Variants in COL27A1 observed in about 807,000 individuals in gnomAD.
The protein encoded by COL27A1 is collagen alpha-1(XXVII) chain.
Under a neutral mutation model 251.3 loss-of-function variants are expected in COL27A1, and 106 were observed. That is an observed-to-expected ratio of 0.42 (90% CI 0.36 to 0.50). The LOEUF (loss-of-function observed/expected upper bound fraction) is 0.50, where lower values mean the gene tolerates loss of function less well. Among genes scored for constraint, COL27A1 ranks in the 20% least tolerant of loss-of-function variants. The probability of loss-of-function intolerance (pLI) is 0.00; values close to 1 mark genes in which losing one functional copy is unlikely to be tolerated. For missense variants in COL27A1, 2,325 were observed against 2,522.8 expected, an observed-to-expected ratio of 0.92 and a Z score of 1.68; for synonymous variants, 1,000 against 986.3, an observed-to-expected ratio of 1.01 and a Z score of -0.26.
intron 37 of COL27A1, 136 bp from the exon 38 acceptor site, chr9:114,282,141 T>C (rs1488724161): frequency 1.8e-5 from 13 of 714,964 alleles, no homozygotes; most frequent in Non-Finnish European, 3.0e-5. Context: ...CAAGGTCATG[T>C]GGGTACTGGG....
intron 4 of COL27A1, 138 bp downstream of exon 4, chr9:114,178,482 A>G (rs1827644922): frequency 1.3e-6 from 1 of 783,708 alleles, no homozygotes; most frequent in Admixed American, 2.0e-5. Context: ...GGCTTTATCC[A>G]TTTGGAGTGG....
chr9:114,241,123 G>A lies in COL27A1; in HGVS notation c.2835+636G>A, dbSNP rs2135478476. Among the ~76,000 whole-genome samples the A allele has an allele frequency of 2.6e-5, 4 of 152,382 alleles. No individual in the cohort carries two copies. In the Middle Eastern group the frequency reaches 0.01, roughly 389 times the overall value. ...TATGTGCGCTGGATGAAGTGGGTTG[G>A]GAGGGGTCTCTATGGGGCTGTTGGA... On this transcript the variant is annotated intron_variant, in intron 21 of 60. Coordinates refer to ENST00000356083, the MANE Select transcript of COL27A1 (RefSeq NM_032888.4).
chr9:114,184,737 C>T (rs920001221), intron 5 of COL27A1, among the ~76,000 whole-genome samples: 7 of 152,156 alleles, frequency 4.6e-5, no homozygotes, highest in Non-Finnish European at 7.3e-5. Flanking sequence ...GTGGAGATAC[C>T]GTACCCATTT....
At chr9:114,267,239 C>A (rs1049318809) in intron 33 of COL27A1, among the ~76,000 whole-genome samples, 2 of 152,170 alleles carry the variant, frequency 1.3e-5, no homozygotes, top group Non-Finnish European at 2.9e-5. Flanking sequence ...CCAAAGGGCT[C>A]CTAGTGTGGT....
chr9:114,246,211 A>G (rs1455012197), intron 24 of COL27A1: 1 of 318,370 alleles, frequency 3.1e-6, no homozygotes, highest in African/African-American at 2.2e-5. Flanking sequence ...CAGGACATTA[A>G]AACTGGAGGA....
At position 114,235,622 on chromosome 9, in the gene COL27A1, G is replaced by GGAA. The variant is rs1460933248; in HGVS notation, c.2589_2590insGAA (p.Val863_Ser864insGlu). The stretch of plus-strand genomic sequence containing the variant: ...AGGGTGAACAAGGGGTTCCAGGTGT[G>GGAA]TCAGGAGATCCCGGATTCCAAGGAG... On this transcript the variant is annotated inframe_insertion, in exon 17 of 61. Transcript: ENST00000356083. 1.2e-6 allele frequency: 2 copies of GGAA among 1,613,860 alleles called. No homozygotes were observed. Among genetic ancestry groups the GGAA allele is most frequent in the Non-Finnish European group, 1.7e-6 (2 of 1,179,902 alleles).
chr9:114,196,659 G>A (rs1473277480), intron 7 of COL27A1, among the ~76,000 whole-genome samples: 8 of 152,206 alleles, frequency 5.3e-5, no homozygotes, highest in Non-Finnish European at 1.2e-4. Context: ...GAATGATCTG[G>A]AGAGGCAGTG....
In COL27A1 at chr9:114,312,088, G is replaced by A. The variant is rs1429032136; in HGVS notation, c.*1393G>A. On this transcript the variant is annotated 3_prime_UTR_variant, in exon 61 of 61. Coordinates refer to ENST00000356083, the MANE Select transcript of COL27A1 (RefSeq NM_032888.4). ...TACATCAGCGAACAAGTCGGCGCTT[G>A]AATTGGATTTTGAGGTTATTTTAAC... The A allele has an allele frequency of 3.3e-5, 5 of 152,192 alleles. 1 individual carries two copies. Among genetic ancestry groups the A allele is most frequent in the Non-Finnish European group, 7.3e-5 (5 of 68,036 alleles). The allele number at this position is 152,192 out of a possible 1,614,324, so 9.4% of individuals were successfully genotyped here.
intron 22 of COL27A1, 98 bp downstream of exon 22, chr9:114,242,329 TC>T: frequency 9.4e-7 from 1 of 1,064,138 alleles, no homozygotes; most frequent in Non-Finnish European, 1.4e-6. Flanking sequence ...AGGGAAGTCA[TC>T]AGTGAGGGCC....
chr9:114,304,555 G>A (rs1417314067), intron 56 of COL27A1, 53 bp from the exon 57 acceptor site: 3 of 1,555,406 alleles, frequency 1.9e-6, no homozygotes, highest in African/African-American at 2.7e-5. Flanking sequence ...CACTTGATGG[G>A]TGTGGAGAAC....
intron 41 of COL27A1, among the ~76,000 whole-genome samples, chr9:114,285,338 G>T (rs775259764): frequency 5.9e-5 from 9 of 152,074 alleles, no homozygotes; most frequent in Non-Finnish European, 1.2e-4. Flanking sequence ...CCTGGACCCT[G>T]CCCCCCCATG....
chr9:114,183,992 T>C (rs575328112), intron 5 of COL27A1, among the ~76,000 whole-genome samples: 6 of 152,272 alleles, frequency 3.9e-5, no homozygotes, highest in African/African-American at 1.4e-4. Context: ...CCAAGAGGAT[T>C]GCCGGAGCCA....
intron 13 of COL27A1, 97 bp downstream of exon 13, chr9:114,219,941 C>A: frequency 1.1e-6 from 1 of 902,540 alleles, no homozygotes; most frequent in Non-Finnish European, 1.8e-6. Context: ...AGACCTGGGT[C>A]AAATCCCAGC....
At chr9:114,276,344 G>A (rs1356618258) in intron 37 of COL27A1, among the ~76,000 whole-genome samples, 4 of 152,192 alleles carry the variant, frequency 2.6e-5, no homozygotes, top group African/African-American at 4.8e-5. Context: ...GGTGGCTCAC[G>A]CCTGTAATCC....
chr9:114,192,761 G>T (rs1046827909), intron 5 of COL27A1, among the ~76,000 whole-genome samples: 74 of 152,236 alleles, frequency 4.9e-4, no homozygotes, highest in African/African-American at 1.7e-3. Flanking sequence ...GGCTAGCTCA[G>T]TGTCTGCACA....
At chr9:114,297,263 G>A (rs145144823) in intron 49 of COL27A1, among the ~76,000 whole-genome samples, 90 of 152,172 alleles carry the variant, frequency 5.9e-4, no homozygotes, top group African/African-American at 2.0e-3. Context: ...GCACCTGATG[G>A]GTGTATAGGA....
Position 114,215,644 on chromosome 9 carries a change from C to T in COL27A1, c.2368-4147C>T, listed in dbSNP as rs201557464. Among the ~76,000 whole-genome samples, 129 of 152,256 alleles carry T rather than the reference C, an allele frequency of 8.5e-4. 1 individual carries two copies. The South Asian group carries it at 0.013, about 15-fold the overall frequency. ...CACCTAGAAAAGAATATGGCTGCTT[C>T]GAGTGCAGCAGGAAGGATGCAGGTT... On this transcript the variant is annotated intron_variant, in intron 12 of 60. Transcript: ENST00000356083.
At chr9:114,220,994 C>CAAAAA (rs35673362) in intron 13 of COL27A1, among the ~76,000 whole-genome samples, 1 of 107,782 alleles carries the variant, frequency 9.3e-6, no homozygotes, top group Non-Finnish European at 1.8e-5. Flanking sequence ...GACTCTGTCT[C>CAAAAA]AAAAAAAAAA....
At chr9:114,280,375 G>A (rs1835828110) in intron 37 of COL27A1, among the ~76,000 whole-genome samples, 1 of 152,128 alleles carries the variant, frequency 6.6e-6, no homozygotes, top group Non-Finnish European at 1.5e-5. Flanking sequence ...GCTAATTTTT[G>A]TATTTTTAGT....
Sources: allele counts gnomAD v4.1 joint callset (sites outside exome capture counted in the v4.1 genomes callset), GRCh38; gene constraint gnomAD v4.1.1; transcripts MANE v1.5; gene names NCBI Gene and HGNC (gene_info 2026-07-23, HGNC 2026-07-21).